The following GHITM variants were observed in gnomAD, a reference collection of about 807,000 sequenced individuals.
GHITM encodes growth hormone-inducible transmembrane protein.
GHITM carries 24 observed loss-of-function variants against 38.7 expected under a neutral mutation model. The observed-to-expected ratio is 0.62, with a 90% CI of 0.45 to 0.87. The LOEUF (loss-of-function observed/expected upper bound fraction) is 0.87. Ranked by LOEUF, GHITM falls within the 40% of genes least tolerant of loss-of-function variation. The probability of loss-of-function intolerance (pLI) is 0.00; values close to 1 mark genes in which losing one functional copy is unlikely to be tolerated. For synonymous variants in GHITM, 154 were observed against 147.8 expected (o/e 1.04, Z -0.30); for missense variants, 420 against 429.8 (o/e 0.98, Z 0.20).
At chr10:84,147,616 CT>C (rs111721321) in intron 5 of GHITM, among the ~76,000 whole-genome samples, 202 of 124,166 alleles carry the variant, frequency 1.6e-3, no homozygotes, top group Middle Eastern at 4.3e-3. Context: ...TCACCATGTT[CT>C]TTTTTTTTGT....
Position 84,153,384 on chromosome 10 carries a change from C to T in GHITM, c.*1036C>T, listed in dbSNP as rs758939663. 2.6e-5 allele frequency: 4 copies of T among 152,138 alleles called. No individual in the cohort carries two copies. Among genetic ancestry groups the T allele is most frequent in the Non-Finnish European group, 5.9e-5 (4 of 68,008 alleles). 9.4% of individuals were successfully genotyped at this position (152,138 alleles called of 1,614,324 possible). On this transcript the variant is annotated 3_prime_UTR_variant, in exon 9 of 9. Transcript: ENST00000372134. ...CACTAAAAAGCAAAGCAAAACAGAA[C>T]TAGTTCTGTCTTAATGAAATATATC... is the stretch of plus-strand genomic sequence containing the variant.
At chr10:84,145,804 G>T (rs1841551365) in intron 5 of GHITM, among the ~76,000 whole-genome samples, 1 of 152,234 alleles carries the variant, frequency 6.6e-6, no homozygotes. Context: ...TGCAAAGTCA[G>T]TTGAGAGTTT....
chr10:84,143,223 A>C (rs1488815310), intron 3 of GHITM, among the ~76,000 whole-genome samples: 1 of 152,226 alleles, frequency 6.6e-6, no homozygotes, highest in Non-Finnish European at 1.5e-5. Context: ...TTGGATATCA[A>C]CTTTGCAAGT....
intron 1 of GHITM, among the ~76,000 whole-genome samples, chr10:84,141,180 C>T (rs753524527): frequency 6.6e-6 from 1 of 152,192 alleles, no homozygotes; most frequent in Non-Finnish European, 1.5e-5. Context: ...TTCTGTGTTA[C>T]ACATAATTTT....
At chr10:84,152,235 T>C (rs1468772072) in intron 8 of GHITM, 29 bp from the exon 9 acceptor site, 1 of 1,017,430 alleles carries the variant, frequency 9.8e-7, no homozygotes, top group African/African-American at 1.6e-5. Flanking sequence ...AATTGCATCA[T>C]ATATAATGGG....
chr10:84,141,833 C>CT (rs1262298152), intron 2 of GHITM, among the ~76,000 whole-genome samples: 3 of 152,280 alleles, frequency 2.0e-5, no homozygotes, highest in Non-Finnish European at 4.4e-5. Context: ...TTCTGTAACT[C>CT]TGTCTTCGCT....
intron 1 of GHITM, 148 bp from the exon 2 acceptor site, chr10:84,141,314 C>A (rs1841503513): frequency 1.8e-6 from 1 of 547,534 alleles, no homozygotes; most frequent in East Asian, 3.0e-5. Context: ...GAATTCATCG[C>A]TGAAAATTAA....
Position 84,142,701 on chromosome 10 carries a change from G to T in GHITM, c.176G>T (p.Gly59Val), listed in dbSNP as rs964858602. The T allele has an allele frequency of 1.2e-6, 2 of 1,612,714 alleles. No individual in the cohort carries two copies. The change falls in exon 3 of 9, where the codon GGC becomes GTC. Residue 59 changes from glycine (G) to valine (V), a missense_variant. Gly to Val is a moderately radical substitution (Grantham distance 109). Coordinates refer to ENST00000372134, the MANE Select transcript of GHITM (RefSeq NM_014394.3). The part of the protein sequence containing the change: ...TRIGIRRGRT[G>V]QELKEAALEP... ...ATTGGGATCCGGCGTGGGAGAACTG[G>T]CCAAGAACTCAAAGAGGCAGCATTG... is the stretch of plus-strand genomic sequence containing the variant.
intron 7 of GHITM, among the ~76,000 whole-genome samples, 189 bp downstream of exon 7, chr10:84,150,432 T>C (rs1200284977): frequency 6.6e-6 from 1 of 152,350 alleles, no homozygotes; most frequent in Admixed American, 6.5e-5. Flanking sequence ...TATTACTGGC[T>C]TTACCAAACA....
At chr10:84,151,077 G>A (rs1354138594) in intron 8 of GHITM, among the ~76,000 whole-genome samples, 197 bp downstream of exon 8, 1 of 152,176 alleles carries the variant, frequency 6.6e-6, no homozygotes, top group Non-Finnish European at 1.5e-5. Context: ...GGTGTTAGCA[G>A]AGTTGTACTT....
In GHITM at chr10:84,150,075, G is replaced by T. The variant is rs781268441; in HGVS notation, c.613G>T (p.Ala205Ser). The change falls in exon 7 of 9, where the codon GCT becomes TCT. Residue 205 changes from alanine to serine, a missense_variant. Coordinates refer to ENST00000372134, the MANE Select transcript of GHITM (RefSeq NM_014394.3). Reference protein sequence around the residue: ...LHSGVMGAVVAPLTILGGPLL... With the variant: ...LHSGVMGAVVSPLTILGGPLL... Reference sequence around the variant, plus strand: ...TCCAGGTGTGATGGGTGCAGTGGTGGCTCCTCTGACAATATTAGGGGGTCC... The same window carrying T: ...TCCAGGTGTGATGGGTGCAGTGGTGTCTCCTCTGACAATATTAGGGGGTCC... The T allele has an allele frequency of 1.9e-6, 3 of 1,597,626 alleles. No homozygotes were observed. The highest frequency in any genetic ancestry group is 3.4e-5 in the Admixed American group (2 of 58,374).
In GHITM at chr10:84,150,218, G is replaced by C. The variant is rs556979413; in HGVS notation, c.756G>C (p.Leu252=). The change falls in exon 7 of 9, where the codon CTG becomes CTC. Residue 252 remains leucine, a synonymous_variant. Transcript: ENST00000372134. The part of the protein sequence containing the change: ...LNMGAPLGVG[L]GLVFVSSLGS... ...TGGGTGCACCCCTGGGAGTGGGCCT[G>C]GGTCTCGTCTTTGTGTCCTCATTGG... is the stretch of plus-strand genomic sequence containing the variant. 6.2e-7 allele frequency: 1 copy of C among 1,609,902 alleles called. No homozygotes were observed. Among genetic ancestry groups the C allele is most frequent in the East Asian group, 2.2e-5 (1 of 44,798 alleles).
At chr10:84,147,466 A>G (rs1841567208) in intron 5 of GHITM, among the ~76,000 whole-genome samples, 1 of 152,132 alleles carries the variant, frequency 6.6e-6, no homozygotes. Context: ...CCTGTACTTT[A>G]TATTAGAGGT....
At chr10:84,148,271 G>GTTTTTATTTTTTAT (rs199532579) in intron 5 of GHITM, among the ~76,000 whole-genome samples, 83 of 150,588 alleles carry the variant, frequency 5.5e-4, no homozygotes, top group Admixed American at 1.4e-3. Flanking sequence ...AAAAATTAAA[G>GTTTTTATTTTTTAT]TTTTTATTTT....
At position 84,150,100 on chromosome 10, in the gene GHITM, C is replaced by A; in HGVS notation, c.638C>A (p.Pro213His). 1 of 1,611,420 alleles carries A rather than the reference C, an allele frequency of 6.2e-7. No homozygotes were observed. Among genetic ancestry groups the A allele is most frequent in the Non-Finnish European group, 8.5e-7 (1 of 1,178,224 alleles). The change falls in exon 7 of 9, where the codon CCT becomes CAT. Residue 213 changes from proline to histidine, a missense_variant. Physicochemically the swap from Pro to His is moderately conservative, Grantham distance 77. Coordinates refer to ENST00000372134, the MANE Select transcript of GHITM (RefSeq NM_014394.3). The part of the protein sequence containing the change: ...VVAPLTILGG[P>H]LLIRAAWYTA... Reference sequence around the variant, plus strand: ...GCTCCTCTGACAATATTAGGGGGTCCTCTTCTCATCAGAGCTGCATGGTAC... The same window carrying A: ...GCTCCTCTGACAATATTAGGGGGTCATCTTCTCATCAGAGCTGCATGGTAC...
chr10:84,152,204 A>G lies in GHITM; in HGVS notation c.954-60A>G, dbSNP rs568972489. 1.1e-4 allele frequency: 86 copies of G among 765,242 alleles called. No individual in the cohort carries two copies. The African/African-American group carries it at 1.5e-3, about 13-fold the overall frequency. 47.4% of individuals were successfully genotyped at this position (765,242 alleles called of 1,614,324 possible). ...AGTATTTTTCTTCTTTTCTATATTA[A>G]GAATTCAACATCACTATTAGAATTG... On this transcript the variant is annotated intron_variant, in intron 8 of 8. Coordinates refer to ENST00000372134, the MANE Select transcript of GHITM (RefSeq NM_014394.3).
At chr10:84,148,659 C>T (rs1228186290) in intron 5 of GHITM, 71 bp from the exon 6 acceptor site, 2 of 907,338 alleles carry the variant, frequency 2.2e-6, no homozygotes, top group Non-Finnish European at 3.6e-6. Flanking sequence ...ACTAATTGTA[C>T]TTCAAACCTG....
rs1841620853 is a variant in GHITM at position 84,152,337 on chromosome 10, A to G, written c.1027A>G (p.Arg343Gly). 1.3e-6 allele frequency: 2 copies of G among 1,595,360 alleles called. No homozygotes were observed. Among genetic ancestry groups the G allele is most frequent in the Non-Finnish European group, 1.7e-6 (2 of 1,163,950 alleles). ...VATMLATGGN[R>G]KK ...AACTATGCTGGCAACTGGAGGCAACAGAAAGAAATGAAGTGACTCAGCTTC... is the reference window on the plus strand; with the variant it reads ...AACTATGCTGGCAACTGGAGGCAACGGAAAGAAATGAAGTGACTCAGCTTC... The change falls in exon 9 of 9, where the codon AGA becomes GGA. Residue 343 changes from arginine to glycine, a missense_variant. Arg to Gly is a moderately radical substitution (Grantham distance 125). Transcript: ENST00000372134.
rs775269725 is a variant in GHITM at position 84,150,252 on chromosome 10, C to G, written c.781+9C>G. ...CTTTGTGTCCTCATTGGGTAAGCTG[C>G]TGTGTTTTAACACTTAATTCTTGGT... On this transcript the variant is annotated intron_variant, in intron 7 of 8. Transcript: ENST00000372134. 1 of 1,591,134 alleles carries G rather than the reference C, an allele frequency of 6.3e-7. No individual in the cohort carries two copies. The highest frequency in any genetic ancestry group is 8.6e-7 in the Non-Finnish European group (1 of 1,166,084).
Sources: gnomAD v4.1 joint callset for allele counts (sites outside exome capture counted in the v4.1 genomes callset) on GRCh38, gnomAD v4.1.1 for gene constraint, MANE v1.5 for transcripts, NCBI Gene and HGNC (gene_info 2026-07-23, HGNC 2026-07-21) for gene names.